The following CRY1 variants were observed in gnomAD, a reference collection of about 807,000 sequenced individuals.
The protein encoded by CRY1 is cryptochrome circadian regulator 1.
In CRY1, 45 loss-of-function variants were observed where a neutral mutation model predicts 76.0. The ratio of observed to expected loss-of-function variants is 0.59; its 90% CI spans 0.47 to 0.76. The LOEUF is 0.76. Ranked by LOEUF, CRY1 falls within the 30% of genes least tolerant of loss-of-function variation. The pLI, the probability that CRY1 is intolerant of heterozygous loss-of-function variation, is 0.00. For missense variants in CRY1, 587 were observed against 716.4 expected (o/e 0.82, Z 2.06); for synonymous variants, 248 against 244.0 (o/e 1.02, Z -0.15).
Position 106,999,717 on chromosome 12 carries a change from G to C in CRY1, c.971C>G (p.Pro324Arg). The C allele has an allele frequency of 6.2e-7, 1 of 1,614,198 alleles. No homozygotes were observed. ...ICVQIPWDKN[P>R]EALAKWAEGR... ...TTCCGCCCATTTGGCTAAAGCCTCA[G>C]GATTTTTATCCCAAGGAATCTGAAC... The change falls in exon 7 of 13, where the codon CCT (proline) becomes CGT (arginine). Residue 324 changes from proline to arginine, a missense_variant. Pro to Arg is a moderately radical substitution (Grantham distance 103). Transcript: ENST00000008527.
At chr12:107,028,234 A>G (rs745422232) in intron 1 of CRY1, among the ~76,000 whole-genome samples, 22 of 152,184 alleles carry the variant, frequency 1.4e-4, no homozygotes, top group Admixed American at 3.3e-4. Flanking sequence ...AGATTTAAAA[A>G]ATATAACAAT....
rs571617662 is a variant in CRY1, at chr12:107,018,559, C to CA, written c.267+3524_267+3525insT. Among the ~76,000 whole-genome samples, 139 of 151,916 alleles carry CA rather than the reference C, an allele frequency of 9.1e-4. 5 individuals carry two copies. In the South Asian group the frequency reaches 0.028, roughly 31 times the overall value. ...CCAAGACAGCACTACTGCACTCCAG[C>CA]CTGGGCAACAGAGCAAGACTCTCTC... On this transcript the variant is annotated intron_variant, in intron 2 of 12. Transcript: ENST00000008527.
At chr12:107,002,845 G>T (rs1952326952) in intron 3 of CRY1, among the ~76,000 whole-genome samples, 2 of 152,120 alleles carry the variant, frequency 1.3e-5, no homozygotes, top group Non-Finnish European at 2.9e-5. Flanking sequence ...TTTTAAAAGG[G>T]GGAGTTACCC....
intron 2 of CRY1, among the ~76,000 whole-genome samples, chr12:107,007,457 A>C (rs1023326041): frequency 1.6e-4 from 25 of 151,976 alleles, no homozygotes; most frequent in Admixed American, 2.6e-4. Flanking sequence ...AAATAACATA[A>C]TGCATATAGA....
At chr12:107,074,355 G>A (rs1334680251) in intron 1 of CRY1, among the ~76,000 whole-genome samples, 3 of 152,062 alleles carry the variant, frequency 2.0e-5, no homozygotes, top group African/African-American at 7.2e-5. Context: ...AACTCCTGCT[G>A]GCCTACATCA....
chr12:107,013,426 A>T (rs1482948477), intron 2 of CRY1, among the ~76,000 whole-genome samples: 1 of 152,242 alleles, frequency 6.6e-6, no homozygotes, highest in African/African-American at 2.4e-5. Context: ...GCTACTGCAC[A>T]CAGAAAAGAC....
intron 10 of CRY1, among the ~76,000 whole-genome samples, chr12:106,994,281 G>A (rs1343442195): frequency 6.6e-6 from 1 of 152,184 alleles, no homozygotes; most frequent in East Asian, 1.9e-4. Context: ...CCATTTCCAG[G>A]TCTAAAATGT....
intron 3 of CRY1, among the ~76,000 whole-genome samples, chr12:107,003,482 CTTAGTGTATT>C (rs1258160932): frequency 6.6e-6 from 1 of 152,126 alleles, no homozygotes; most frequent in Non-Finnish European, 1.5e-5. Flanking sequence ...TCAAGGTTTT[CTTAGTGTATT>C]TTAGTGTATT....
chr12:107,086,096 C>G (rs1036227490), intron 1 of CRY1, among the ~76,000 whole-genome samples: 1 of 152,092 alleles, frequency 6.6e-6, no homozygotes, highest in African/African-American at 2.4e-5. Flanking sequence ...GTATCCATGC[C>G]TAGGACTTTG....
At chr12:107,036,189 C>A (rs781280433) in intron 1 of CRY1, among the ~76,000 whole-genome samples, 2 of 152,186 alleles carry the variant, frequency 1.3e-5, no homozygotes, top group Non-Finnish European at 2.9e-5. Context: ...AAGAGTCACA[C>A]GGCCTCGCCA....
At chr12:107,036,972 T>C (rs61640396) in intron 1 of CRY1, among the ~76,000 whole-genome samples, 17,828 of 152,056 alleles carry the variant, frequency 0.12, 1,706 homozygotes, top group African/African-American at 0.25. Flanking sequence ...TACTATATAA[T>C]TTATTTATGT....
chr12:106,992,877 C>T lies in CRY1; in HGVS notation c.1671G>A (p.Met557Ile). ...THLLKQGRSS[M>I]GTGLSGGKRP... Reference sequence around the variant, plus strand: ...GTTTCCCACCACTGAGACCAGTGCCCATGGAGCTTCTTCCTGCACATTTAA... The same window carrying T: ...GTTTCCCACCACTGAGACCAGTGCCTATGGAGCTTCTTCCTGCACATTTAA... The change falls in exon 12 of 13, where the codon ATG becomes ATA. Residue 557 changes from methionine to isoleucine, a missense_variant. Coordinates refer to ENST00000008527, the MANE Select transcript of CRY1 (RefSeq NM_004075.5). The T allele has an allele frequency of 6.2e-7, 1 of 1,613,954 alleles. No homozygotes were observed.
chr12:107,052,829 G>A (rs1457618245), intron 1 of CRY1, among the ~76,000 whole-genome samples: 1 of 152,202 alleles, frequency 6.6e-6, no homozygotes, highest in Non-Finnish European at 1.5e-5. Context: ...AGATTATTAG[G>A]TTAGAAAGTT....
intron 1 of CRY1, among the ~76,000 whole-genome samples, chr12:107,033,086 A>AC (rs1942281839): frequency 6.6e-6 from 1 of 152,174 alleles, no homozygotes; most frequent in African/African-American, 2.4e-5. Flanking sequence ...ACATAATCTT[A>AC]GATACTGCAG....
intron 1 of CRY1, among the ~76,000 whole-genome samples, chr12:107,034,161 T>C (rs1952707667): frequency 6.6e-6 from 1 of 151,940 alleles, no homozygotes; most frequent in South Asian, 2.1e-4. Context: ...CAAACCAAGA[T>C]GGAGACGAAA....
At chr12:107,027,274 GAATGA>G (rs1952627476) in intron 1 of CRY1, among the ~76,000 whole-genome samples, 1 of 152,066 alleles carries the variant, frequency 6.6e-6, no homozygotes, top group Non-Finnish European at 1.5e-5. Flanking sequence ...ACTCAATATT[GAATGA>G]AATGAATGAT....
At chr12:107,001,573 C>A (rs1952311816) in intron 4 of CRY1, among the ~76,000 whole-genome samples, 191 bp downstream of exon 4, 1 of 152,180 alleles carries the variant, frequency 6.6e-6, no homozygotes, top group South Asian at 2.1e-4. Flanking sequence ...AACAATAGAT[C>A]ACATATTTAT....
chr12:107,067,419 C>G (rs541379158), intron 1 of CRY1, among the ~76,000 whole-genome samples: 1 of 152,146 alleles, frequency 6.6e-6, no homozygotes, highest in Non-Finnish European at 1.5e-5. Flanking sequence ...ATCTCACAGA[C>G]TCCCTTTTAT....
intron 1 of CRY1, among the ~76,000 whole-genome samples, chr12:107,028,082 C>G (rs1322672871): frequency 6.6e-6 from 1 of 151,978 alleles, no homozygotes; most frequent in Non-Finnish European, 1.5e-5. Flanking sequence ...ACTAAAATCA[C>G]TAAAACTACA....
Sources: allele counts gnomAD v4.1 joint callset (sites outside exome capture counted in the v4.1 genomes callset), GRCh38; gene constraint gnomAD v4.1.1; transcripts MANE v1.5; gene names NCBI Gene and HGNC (gene_info 2026-07-23, HGNC 2026-07-21).